The following PCDHA10 variants were observed in gnomAD, a reference collection of about 807,000 sequenced individuals.
PCDHA10 encodes protocadherin alpha-10.
PCDHA10 carries 45 observed loss-of-function variants against 61.2 expected under a neutral mutation model. That is an observed-to-expected ratio of 0.74 (90% CI 0.58 to 0.94). The LOEUF is 0.94. PCDHA10 is among the 40% of genes least tolerant of loss of function. PCDHA10 has a pLI of 0.00. For missense variants in PCDHA10, 1,278 were observed against 1,236.2 expected, an observed-to-expected ratio of 1.03 and a Z score of -0.51; for synonymous variants, 602 against 548.8, an observed-to-expected ratio of 1.10 and a Z score of -1.35.
chr5:140,963,932 A>C (rs564788639), intron 1 of PCDHA10, among the ~76,000 whole-genome samples: 74 of 152,352 alleles, frequency 4.9e-4, no homozygotes, highest in African/African-American at 1.6e-3. Context: ...ACATGTCCAT[A>C]GCCAAACAGT....
intron 3 of PCDHA10, among the ~76,000 whole-genome samples, chr5:141,009,383 C>T (rs2098407441): frequency 6.6e-6 from 1 of 152,198 alleles, no homozygotes; most frequent in African/African-American, 2.4e-5. Flanking sequence ...TGATTGAGCA[C>T]AGGAGGTCGA....
chr5:140,967,257 G>A (rs782706939), intron 1 of PCDHA10: 2 of 1,613,486 alleles, frequency 1.2e-6, no homozygotes, highest in East Asian at 2.2e-5. Flanking sequence ...GTGGCGCCTG[G>A]AGCGCGCTTT....
At position 140,857,428 on chromosome 5, in the gene PCDHA10, G is replaced by T. The variant is rs782142394; in HGVS notation, c.1380G>T (p.Thr460=). ...CTGCGTTCGCGCAGTCCGAGTACAC[G>T]GTGTTCGTGAAGGAGAACAACCCGC... The part of the protein sequence containing the change: ...NAPAFAQSEY[T]VFVKENNPPG... The change falls in exon 1 of 4, where the codon ACG becomes ACT. Residue 460 remains threonine (T), a synonymous_variant. Coordinates refer to ENST00000307360, the MANE Select transcript of PCDHA10 (RefSeq NM_018901.4). 3 of 1,598,342 alleles carry T rather than the reference G, an allele frequency of 1.9e-6. No homozygotes were observed. The highest frequency in any genetic ancestry group is 2.6e-6 in the Non-Finnish European group (3 of 1,167,870).
chr5:140,885,287 G>T (rs1224083539), intron 1 of PCDHA10, among the ~76,000 whole-genome samples: 1 of 152,050 alleles, frequency 6.6e-6, no homozygotes, highest in African/African-American at 2.4e-5. Context: ...TACATATATA[G>T]AGAGAGACCT....
intron 1 of PCDHA10, among the ~76,000 whole-genome samples, chr5:140,886,110 G>A (rs1332872994): frequency 6.6e-6 from 1 of 152,164 alleles, no homozygotes; most frequent in Non-Finnish European, 1.5e-5. Context: ...CAGTAAAGAA[G>A]TAACATAGTT....
intron 1 of PCDHA10, chr5:140,883,969 G>T (rs1398092888): frequency 5.6e-6 from 9 of 1,612,844 alleles, no homozygotes; most frequent in Non-Finnish European, 7.6e-6. Flanking sequence ...CGCTGCTGAC[G>T]CCCGGGGCTG....
At chr5:140,947,059 A>G (rs1297447274) in intron 1 of PCDHA10, among the ~76,000 whole-genome samples, 2 of 151,742 alleles carry the variant, frequency 1.3e-5, no homozygotes, top group Admixed American at 1.3e-4. Flanking sequence ...ATCATTACAC[A>G]GTGTATATAT....
In PCDHA10 at chr5:140,982,550, C is replaced by T. The variant is rs1554244485; in HGVS notation, c.2523C>T (p.Ser841=). ...CTGATCAGCAGTGGCCAACAGTATC[C>T]AGTGCAACACCAGGTAAAGAGCTGG... The part of the protein sequence containing the change: ...GGPDQQWPTV[S]SATPEPEAGE... The change falls in exon 3 of 4, where the codon TCC becomes TCT. Residue 841 remains serine, a synonymous_variant. Transcript: ENST00000307360. The T allele has an allele frequency of 6.2e-7, 1 of 1,614,176 alleles. No homozygotes were observed. The highest frequency in any genetic ancestry group is 1.7e-5 in the Admixed American group (1 of 60,028).
At chr5:140,866,680 C>G (rs2049493628) in intron 1 of PCDHA10, 1 of 152,138 alleles carries the variant, frequency 6.6e-6, no homozygotes, top group South Asian at 2.1e-4. Context: ...AGCACTAGGT[C>G]TGTTAGAATA....
chr5:140,928,623 A>G (rs1554206072), intron 1 of PCDHA10: 1 of 1,614,210 alleles, frequency 6.2e-7, no homozygotes, highest in African/African-American at 1.3e-5. Flanking sequence ...CCAGGACTGG[A>G]CACTTGGTCA....
At chr5:140,884,550 G>C (rs781916237) in intron 1 of PCDHA10, 2 of 1,614,118 alleles carry the variant, frequency 1.2e-6, no homozygotes, top group Non-Finnish European at 1.7e-6. Flanking sequence ...GTGTGCTCTG[G>C]GGAGGGCCCG....
chr5:140,926,420 T>G, intron 1 of PCDHA10: 1 of 152,792 alleles, frequency 6.5e-6, no homozygotes, highest in Non-Finnish European at 1.5e-5. Context: ...GGGCAGAGGA[T>G]GTGGAGGTTA....
intron 1 of PCDHA10, chr5:140,870,883 C>T: frequency 1.9e-6 from 3 of 1,613,920 alleles, no homozygotes; most frequent in Middle Eastern, 1.6e-4. Flanking sequence ...GGCGAAGGTG[C>T]GCGCAGTGGA....
rs1458261257 is a variant in PCDHA10, at chr5:140,941,194, TCTTTCTTCCTTTCTTTCTTC to T, written c.2389-37747_2389-37728del. Among the ~76,000 whole-genome samples the T allele has an allele frequency of 1.9e-3, 217 of 112,428 alleles. 2 individuals carry two copies. Among genetic ancestry groups the T allele is most frequent in the African/African-American group, 6.9e-3 (195 of 28,326 alleles). 73.8% of individuals were successfully genotyped at this position (112,428 alleles called of 152,430 possible). A position where few individuals can be genotyped will look rare whatever the true frequency, so the allele number is the denominator to read the frequency against. On this transcript the variant is annotated intron_variant, in intron 1 of 3. Coordinates refer to ENST00000307360, the MANE Select transcript of PCDHA10 (RefSeq NM_018901.4). ...CTTGAACATCCTGCTTCTTTTTTTT[TCTTTCTTCCTTTCTTTCTTC>T]CTTTCTTTCTTTCTTTCTTTCTTTC...
intron 1 of PCDHA10, chr5:140,967,285 G>A (rs150694611): frequency 1.9e-6 from 3 of 1,613,058 alleles, no homozygotes; most frequent in East Asian, 2.2e-5. Context: ...AGAGTGCGCA[G>A]GACCCCGACG....
intron 1 of PCDHA10, chr5:140,876,998 C>T: frequency 6.2e-7 from 1 of 1,612,502 alleles, no homozygotes; most frequent in South Asian, 1.1e-5. Flanking sequence ...AGCTACGTGT[C>T]GGTGCACGCG....
At chr5:140,970,156 T>G (rs933887683) in intron 1 of PCDHA10, among the ~76,000 whole-genome samples, 1 of 152,188 alleles carries the variant, frequency 6.6e-6, no homozygotes, top group Non-Finnish European at 1.5e-5. Flanking sequence ...CTCCCAATAG[T>G]CACCTTTCTT....
chr5:140,866,363 C>T (rs550714417), intron 1 of PCDHA10: 20 of 152,216 alleles, frequency 1.3e-4, no homozygotes, highest in Non-Finnish European at 2.2e-4. Context: ...TACAATATTG[C>T]ATACTTCAAT....
At chr5:140,886,680 G>T (rs1554182653) in intron 1 of PCDHA10, among the ~76,000 whole-genome samples, 1 of 151,946 alleles carries the variant, frequency 6.6e-6, no homozygotes, top group Non-Finnish European at 1.5e-5. Context: ...ACAAAAATTA[G>T]CGAGGCATGG....
Sources: allele counts gnomAD v4.1 joint callset (sites outside exome capture counted in the v4.1 genomes callset), GRCh38; gene constraint gnomAD v4.1.1; transcripts MANE v1.5; gene names NCBI Gene and HGNC (gene_info 2026-07-23, HGNC 2026-07-21).